COL6A6: variants seen among roughly 807,000 people sequenced by gnomAD.
The protein encoded by COL6A6 is collagen alpha-6(VI) chain.
COL6A6 carries 183 observed loss-of-function variants against 208.6 expected under a neutral mutation model. The ratio of observed to expected loss-of-function variants is 0.88; its 90% confidence interval spans 0.78 to 0.99. The LOEUF is 0.99. COL6A6 is among the 50% of genes least tolerant of loss of function. The pLI is 0.00. For missense variants in COL6A6, 2,816 were observed against 2,815.2 expected (o/e 1.00, Z -0.01); for synonymous variants, 973 against 1,011.8 (o/e 0.96, Z 0.73).
At chr3:130,653,824 G>A (rs1198882402) in intron 33 of COL6A6, among the ~76,000 whole-genome samples, 1 of 152,092 alleles carries the variant, frequency 6.6e-6, no homozygotes, top group Non-Finnish European at 1.5e-5. Flanking sequence ...GAAAGGTTGG[G>A]GGAAGTGGGG....
intron 36 of COL6A6, among the ~76,000 whole-genome samples, chr3:130,673,207 A>C (rs1319662666): frequency 8.2e-6 from 1 of 121,706 alleles, no homozygotes; most frequent in African/African-American, 4.6e-5. Flanking sequence ...AACAAAAAAA[A>C]CAAAAAAAAC....
chr3:130,594,670 G>C (rs9874134), intron 18 of COL6A6, among the ~76,000 whole-genome samples: 151,001 of 152,374 alleles, frequency 0.99, 74,828 homozygotes, highest in African/African-American at 1. Context: ...ATGACAGAAA[G>C]AAAGCCATGT....
chr3:130,658,803 C>G, intron 34 of COL6A6, 31 bp downstream of exon 34: 2 of 1,523,556 alleles, frequency 1.3e-6, no homozygotes, highest in Non-Finnish European at 1.8e-6. Flanking sequence ...GTAATTTGGT[C>G]AGGCCTATTA....
rs75018820 is a variant in COL6A6, at chr3:130,616,314, G to A, written c.4816-5507G>A. ...ATTTGAAGTTTTTCTTAGGATATACGTTTAAGAAAAGATGTGATTTCTGTT... is the reference window on the plus strand; with the variant it reads ...ATTTGAAGTTTTTCTTAGGATATACATTTAAGAAAAGATGTGATTTCTGTT... On this transcript the variant is annotated intron_variant, in intron 23 of 36. Coordinates refer to ENST00000358511, the MANE Select transcript of COL6A6 (RefSeq NM_001102608.3). 5.9e-3 allele frequency among the ~76,000 whole-genome samples: 903 copies of A among 152,184 alleles called. 3 individuals carry two copies. Among genetic ancestry groups the A allele is most frequent in the African/African-American group, 0.02 (811 of 41,536 alleles).
At position 130,573,996 on chromosome 3, in the gene COL6A6, T is replaced by C. The variant is rs1381674107; in HGVS notation, c.3018T>C (p.Asp1006=). Residue 1006 remains aspartate, a synonymous_variant, in exon 8 of 37, where the codon GAT becomes GAC. Coordinates refer to ENST00000358511, the MANE Select transcript of COL6A6 (RefSeq NM_001102608.3). ...IDKVDLVFLM[D]GSTSIQPNDF... is the part of the protein sequence containing the mutation. ...AAGTAGATCTTGTTTTCCTTATGGA[T>C]GGTTCAACTAGCATTCAGCCAAATG... The C allele has an allele frequency of 1.9e-6, 3 of 1,613,352 alleles. No homozygotes were observed. Among genetic ancestry groups the C allele is most frequent in the South Asian group, 2.2e-5 (2 of 91,046 alleles).
intron 1 of COL6A6, among the ~76,000 whole-genome samples, chr3:130,536,678 A>G (rs2062233137): frequency 6.6e-6 from 1 of 152,230 alleles, no homozygotes; most frequent in South Asian, 2.1e-4. Flanking sequence ...CTGTTCAAGG[A>G]AAAGTGAAAT....
intron 28 of COL6A6, among the ~76,000 whole-genome samples, chr3:130,638,494 C>G (rs992222053): frequency 6.6e-6 from 1 of 152,214 alleles, no homozygotes; most frequent in African/African-American, 2.4e-5. Flanking sequence ...TGTCCTTCAC[C>G]TTCACCCTTC....
In COL6A6 at chr3:130,562,868, G is replaced by A. The variant is rs117953132; in HGVS notation, c.65-200G>A. ...ATTTTGTGATAAGTTCAAATGAGAA[G>A]TTGTTTAAAAGAATCAGCCCAAGAT... On this transcript the variant is annotated intron_variant, in intron 2 of 36. Coordinates refer to ENST00000358511, the MANE Select transcript of COL6A6 (RefSeq NM_001102608.3). 5.3e-4 allele frequency among the ~76,000 whole-genome samples: 80 copies of A among 152,242 alleles called. No individual in the cohort carries two copies. In the East Asian group the frequency reaches 0.014, roughly 27 times the overall value.
At chr3:130,609,882 C>G (rs1259490437) in intron 22 of COL6A6, among the ~76,000 whole-genome samples, 1 of 151,948 alleles carries the variant, frequency 6.6e-6, no homozygotes, top group African/African-American at 2.4e-5. Context: ...ACAGTCTTCC[C>G]CTTGGACCTT....
intron 19 of COL6A6, 70 bp from the exon 20 acceptor site, chr3:130,599,687 G>A (rs2063952520): frequency 2.6e-6 from 4 of 1,518,904 alleles, no homozygotes; most frequent in Non-Finnish European, 3.6e-6. Context: ...TGGAGTAAAA[G>A]TTGATGTTAA....
intron 24 of COL6A6, 66 bp downstream of exon 24, chr3:130,621,949 T>A: frequency 1.5e-6 from 2 of 1,343,098 alleles, no homozygotes; most frequent in Non-Finnish European, 1.1e-6. Context: ...TGTCTAATTG[T>A]ATTAGCCAGG....
intron 1 of COL6A6, among the ~76,000 whole-genome samples, chr3:130,551,663 T>C (rs2062645635): frequency 6.6e-6 from 1 of 151,768 alleles, no homozygotes; most frequent in African/African-American, 2.4e-5. Context: ...TCCATTTTCT[T>C]CATTTCAGCT....
chr3:130,582,108 CT>C, intron 10 of COL6A6, 40 bp downstream of exon 10: 1 of 1,242,214 alleles, frequency 8.1e-7, no homozygotes, highest in Non-Finnish European at 1.1e-6. Context: ...TGCTTATTAA[CT>C]TTATAATCTC....
In COL6A6 at chr3:130,649,225, A is replaced by G. The variant is rs7614116; in HGVS notation, c.5396A>G (p.His1799Arg). The G allele has an allele frequency of 0.35, 550,590 of 1,589,104 alleles. 108,465 individuals carry two copies. Among genetic ancestry groups the G allele is most frequent in the African/African-American group, 0.75 (55,381 of 74,318 alleles). The change falls in exon 33 of 37, where the codon CAC becomes CGC. Residue 1799 changes from histidine to arginine, a missense_variant. His to Arg is a conservative substitution (Grantham distance 29, BLOSUM62 0). Coordinates refer to ENST00000358511, the MANE Select transcript of COL6A6 (RefSeq NM_001102608.3). ...GAGAACAGCTGCCCCGTGGGAGCGC[A>G]CATCGCCATCCTCTCCTATAACTCC... ...VRENSCPVGA[H>R]IAILSYNSHA...
intron 1 of COL6A6, among the ~76,000 whole-genome samples, chr3:130,543,067 A>T (rs1347618466): frequency 1.3e-5 from 2 of 151,668 alleles, no homozygotes; most frequent in African/African-American, 4.8e-5. Flanking sequence ...CACCATGCCT[A>T]GCTAATTTTT....
At chr3:130,529,673 G>A (rs191215633) in intron 1 of COL6A6, among the ~76,000 whole-genome samples, 1 of 152,226 alleles carries the variant, frequency 6.6e-6, no homozygotes, top group Admixed American at 6.5e-5. Flanking sequence ...CTTTTTCTGA[G>A]GTATCTTTCC....
intron 8 of COL6A6, among the ~76,000 whole-genome samples, chr3:130,576,598 G>A (rs1231567747): frequency 6.6e-6 from 1 of 151,770 alleles, no homozygotes; most frequent in Non-Finnish European, 1.5e-5. Context: ...AAAACCATGT[G>A]GAAAGTAAAA....
chr3:130,638,595 C>T (rs1576375219), intron 28 of COL6A6, among the ~76,000 whole-genome samples: 1 of 152,224 alleles, frequency 6.6e-6, no homozygotes. Context: ...GTGGAAAACT[C>T]ATCCAGTAGC....
intron 1 of COL6A6, among the ~76,000 whole-genome samples, chr3:130,523,965 GC>G (rs1025717548): frequency 2.3e-4 from 35 of 152,178 alleles, no homozygotes; most frequent in African/African-American, 7.9e-4. Flanking sequence ...CAAGAGTTCT[GC>G]CTTAATTAGT....
Sources: gnomAD v4.1 joint callset for allele counts (sites outside exome capture counted in the v4.1 genomes callset) on GRCh38, gnomAD v4.1.1 for gene constraint, MANE v1.5 for transcripts, NCBI Gene and HGNC (gene_info 2026-07-23, HGNC 2026-07-21) for gene names.